COL4A4: variants seen among roughly 807,000 people sequenced by gnomAD.
COL4A4 encodes collagen alpha-4(IV) chain.
A neutral mutation model predicts 192.9 loss-of-function variants in COL4A4; 105 were observed. That is an observed-to-expected ratio of 0.54 (90% CI 0.46 to 0.64). The LOEUF (loss-of-function observed/expected upper bound fraction) is 0.64. Among genes scored for constraint, COL4A4 ranks in the 30% least tolerant of loss-of-function variants. The pLI, the probability that COL4A4 is intolerant of heterozygous loss-of-function variation, is 0.00. For missense variants in COL4A4, 1,967 were observed against 2,169.3 expected (o/e 0.91, Z 1.85); for synonymous variants, 762 against 769.9 (o/e 0.99, Z 0.17).
In COL4A4 at chr2:227,109,531, G is replaced by A. The variant is rs974376103; in HGVS notation, c.595-245C>T. On this transcript the variant is annotated intron_variant, in intron 9 of 47. Coordinates refer to ENST00000396625, the MANE Select transcript of COL4A4 (RefSeq NM_000092.5). ...TGAAAGGCCAAGTGGGGCAGATCAC[G>A]AGGTCAGGAGATCGAGACCATCCTG... 47 of 654,580 alleles carry A rather than the reference G, an allele frequency of 7.2e-5. No homozygotes were observed. The East Asian group carries it at 1.1e-3, about 16-fold the overall frequency. 40.5% of individuals were successfully genotyped at this position (654,580 alleles called of 1,614,324 possible).
chr2:227,080,973 C>T (rs928679925), intron 23 of COL4A4, among the ~76,000 whole-genome samples: 23 of 152,248 alleles, frequency 1.5e-4, no homozygotes, highest in African/African-American at 4.3e-4. Context: ...GATGTAAGAA[C>T]TTGGAGCTGC....
At chr2:227,080,616 A>G (rs2059275005) in intron 23 of COL4A4, 67 bp from the exon 24 acceptor site, 1 of 1,378,214 alleles carries the variant, frequency 7.3e-7, no homozygotes. Flanking sequence ...TAGAGAGGAC[A>G]AAAAATAAAG....
intron 43 of COL4A4, among the ~76,000 whole-genome samples, chr2:227,025,166 CATTAGGA>C: frequency 6.6e-6 from 1 of 152,208 alleles, no homozygotes; most frequent in Middle Eastern, 3.2e-3. Flanking sequence ...CAGCAATTTT[CATTAGGA>C]CTAATAACAG....
At chr2:227,059,314 G>T in intron 28 of COL4A4, 91 bp downstream of exon 28, 2 of 1,096,294 alleles carry the variant, frequency 1.8e-6, no homozygotes, top group Non-Finnish European at 2.8e-6. Context: ...TATTCTACAT[G>T]CCTAAAGCAA....
chr2:227,103,823 G>A, intron 13 of COL4A4, 149 bp downstream of exon 13: 2 of 695,384 alleles, frequency 2.9e-6, no homozygotes, highest in Non-Finnish European at 5.1e-6. Flanking sequence ...CCGCACGATG[G>A]GGCCAACAGT....
intron 1 of COL4A4, among the ~76,000 whole-genome samples, chr2:227,162,330 A>T (rs999587481): frequency 6.6e-6 from 1 of 152,234 alleles, no homozygotes; most frequent in African/African-American, 2.4e-5. Flanking sequence ...ATTCAAATTG[A>T]GGAATCTTCT....
intron 17 of COL4A4, among the ~76,000 whole-genome samples, chr2:227,100,246 C>T (rs758855704): frequency 9.9e-5 from 15 of 152,166 alleles, no homozygotes; most frequent in Non-Finnish European, 2.2e-4. Flanking sequence ...AAGATGCCCT[C>T]TGTTTCTAAT....
At position 227,012,414 on chromosome 2, in the gene COL4A4, T is replaced by C. The variant is rs1963936645; in HGVS notation, c.4217-117A>G. The C allele has an allele frequency of 6.5e-6, 5 of 773,898 alleles. No individual in the cohort carries two copies. The East Asian group carries it at 1.0e-4, about 16-fold the overall frequency. 47.9% of individuals were successfully genotyped at this position (773,898 alleles called of 1,614,324 possible). Reference sequence around the variant, plus strand: ...CCCCAGGCTTCCTTCCCACTTTGACTGAATGCATCAGCTCATTTAGTCTTT... The same window carrying C: ...CCCCAGGCTTCCTTCCCACTTTGACCGAATGCATCAGCTCATTTAGTCTTT... On this transcript the variant is annotated intron_variant, in intron 44 of 47. Transcript: ENST00000396625.
At chr2:227,091,974 T>C (rs1166142374) in intron 20 of COL4A4, among the ~76,000 whole-genome samples, 1 of 151,856 alleles carries the variant, frequency 6.6e-6, no homozygotes, top group Non-Finnish European at 1.5e-5. Context: ...AGCTACATGC[T>C]GGATTAAAAC....
At chr2:227,034,554 AATT>A (rs1969160800) in intron 37 of COL4A4, among the ~76,000 whole-genome samples, 2 of 147,568 alleles carry the variant, frequency 1.4e-5, no homozygotes, top group African/African-American at 5.2e-5. Flanking sequence ...TTTTTTTTTT[AATT>A]AATTAATTAA....
chr2:227,084,649 A>G (rs2059490344), intron 22 of COL4A4, among the ~76,000 whole-genome samples: 1 of 152,226 alleles, frequency 6.6e-6, no homozygotes, highest in South Asian at 2.1e-4. Context: ...TGAAAACTAC[A>G]AAGAACCAGG....
chr2:227,055,814 G>A lies in COL4A4; in HGVS notation c.2716+131C>T. 4 of 777,388 alleles carry A rather than the reference G, an allele frequency of 5.1e-6. No homozygotes were observed. The South Asian group carries it at 6.8e-5, about 13-fold the overall frequency. 48.2% of individuals were successfully genotyped at this position (777,388 alleles called of 1,614,324 possible). A position where few individuals can be genotyped will look rare whatever the true frequency, so the allele number is the denominator to read the frequency against. The stretch of plus-strand genomic sequence containing the variant: ...GATACAGAGGACAAGAGCAAGGGAG[G>A]CATCATTAAGGGAAGGACAAAGCCA... On this transcript the variant is annotated intron_variant, in intron 30 of 47. Coordinates refer to ENST00000396625, the MANE Select transcript of COL4A4 (RefSeq NM_000092.5).
chr2:227,047,644 C>A, intron 34 of COL4A4, 95 bp from the exon 35 acceptor site: 1 of 775,232 alleles, frequency 1.3e-6, no homozygotes, highest in Admixed American at 2.1e-5. Context: ...TATAGCTTAT[C>A]TTCAGATATT....
In COL4A4 at chr2:227,070,163, A is replaced by T. The variant is rs1432460297; in HGVS notation, c.1988-7565T>A. On this transcript the variant is annotated intron_variant, in intron 25 of 47. Coordinates refer to ENST00000396625, the MANE Select transcript of COL4A4 (RefSeq NM_000092.5). ...TCAGAGAAATGCAAATCAAAACCAC[A>T]ATGAGATACCATCTCACACCAGTTA... is the stretch of plus-strand genomic sequence containing the variant. Among the ~76,000 whole-genome samples the T allele has an allele frequency of 1.9e-4, 28 of 151,004 alleles. No homozygotes were observed. In the South Asian group the frequency reaches 5.2e-3, roughly 28 times the overall value.
chr2:227,035,501 G>C (rs1169109985), intron 37 of COL4A4, among the ~76,000 whole-genome samples: 1 of 150,188 alleles, frequency 6.7e-6, no homozygotes, highest in Non-Finnish European at 1.5e-5. Context: ...GATTTAGATT[G>C]GTTCAAATGA....
intron 25 of COL4A4, among the ~76,000 whole-genome samples, chr2:227,069,693 C>T (rs2058588872): frequency 6.6e-6 from 1 of 152,192 alleles, no homozygotes; most frequent in African/African-American, 2.4e-5. Flanking sequence ...CAGATCCCTT[C>T]CTTACACCTT....
intron 1 of COL4A4, among the ~76,000 whole-genome samples, chr2:227,150,735 A>AT (rs1376250698): frequency 2.0e-5 from 3 of 152,128 alleles, no homozygotes; most frequent in Admixed American, 6.5e-5. Flanking sequence ...AGCCCCTTAT[A>AT]TAACCATCAA....
chr2:227,102,153 T>C (rs957821182), intron 15 of COL4A4, among the ~76,000 whole-genome samples: 1 of 152,262 alleles, frequency 6.6e-6, no homozygotes. Context: ...TAAGAATGTA[T>C]TTTTGTTGTC....
At position 227,052,632 on chromosome 2, in the gene COL4A4, G is replaced by A. The variant is rs60807146; in HGVS notation, c.2861-220C>T. 0.071 allele frequency among the ~76,000 whole-genome samples: 10,813 copies of A among 152,210 alleles called. 1,275 individuals carry two copies. Among genetic ancestry groups the A allele is most frequent in the African/African-American group, 0.25 (10,229 of 41,466 alleles). On this transcript the variant is annotated intron_variant, in intron 31 of 47. Coordinates refer to ENST00000396625, the MANE Select transcript of COL4A4 (RefSeq NM_000092.5). ...TTTGTCCAGCCACAGAGTCTGGTGT[G>A]CCAGGAGTGCTCACTGAATGTTTGC... is the stretch of plus-strand genomic sequence containing the variant.
Sources: gnomAD v4.1 joint callset for allele counts (sites outside exome capture counted in the v4.1 genomes callset) on GRCh38, gnomAD v4.1.1 for gene constraint, MANE v1.5 for transcripts, NCBI Gene and HGNC (gene_info 2026-07-23, HGNC 2026-07-21) for gene names.